IGSF3: variants seen among roughly 807,000 people sequenced by gnomAD.
The protein encoded by IGSF3 is immunoglobulin superfamily member 3, also known as glu-Trp-Ile EWI motif-containing protein 3.
A neutral mutation model predicts 114.4 loss-of-function variants in IGSF3; 23 were observed. The observed-to-expected ratio is 0.20, with a 90% CI of 0.14 to 0.28. The LOEUF is 0.28. Among genes scored for constraint, IGSF3 ranks in the 10% least tolerant of loss-of-function variants. IGSF3 has a pLI of 1.00. For synonymous variants in IGSF3, 571 were observed against 645.2 expected, an observed-to-expected ratio of 0.88 and a Z score of 1.74; for missense variants, 1,172 against 1,591.5, an observed-to-expected ratio of 0.74 and a Z score of 4.48.
chr1:116,619,791 T>C (rs1290085217), intron 2 of IGSF3, among the ~76,000 whole-genome samples: 1 of 152,102 alleles, frequency 6.6e-6, no homozygotes, highest in Non-Finnish European at 1.5e-5. Context: ...AAATAACTTT[T>C]TTAACTTTAG....
Position 116,599,975 on chromosome 1 carries a change from G to A in IGSF3, c.1995C>T (p.Thr665=), listed in dbSNP as rs1019929441. The change falls in exon 7 of 11, where the codon ACC becomes ACT. Residue 665 remains threonine, a synonymous_variant. Coordinates refer to ENST00000369486, the MANE Select transcript of IGSF3 (RefSeq NM_001007237.3). ...NNTWTRLAER[T]SNLLEIRVLQ... is the part of the protein sequence containing the mutation. ...GCACCCTGATCTCCAGCAGGTTGGA[G>A]GTCCTCTCCGCCAGTCGCGTCCAGG... 12 of 1,613,482 alleles carry A rather than the reference G, an allele frequency of 7.4e-6. No individual in the cohort carries two copies. The highest frequency in any genetic ancestry group is 1.0e-5 in the Non-Finnish European group (12 of 1,179,626).
Position 116,616,246 on chromosome 1 carries a change from G to A in IGSF3, c.255C>T (p.Thr85=). 3 of 1,612,798 alleles carry A rather than the reference G, an allele frequency of 1.9e-6. No homozygotes were observed. The East Asian group carries it at 6.7e-5, about 36-fold the overall frequency. The change falls in exon 3 of 11, where the codon ACC becomes ACT. Residue 85 remains threonine (T), a synonymous_variant. Coordinates refer to ENST00000369486, the MANE Select transcript of IGSF3 (RefSeq NM_001007237.3). This position sits in a 1 kb window ranked among gnomAD's most constrained non-coding sequence, Gnocchi z 6.6. ...MDSSFPYAIY[T]QRVRGGKIFI... The stretch of plus-strand genomic sequence containing the variant: ...AGATCTTCCCTCCGCGGACGCGCTG[G>A]GTGTAGATGGCATAGGGGAAGGAAG...
Position 116,628,464 on chromosome 1 carries a change from AAC to A in IGSF3, c.44-12009_44-12008del, listed in dbSNP as rs1183670896. Among the ~76,000 whole-genome samples, 1 of 151,946 alleles carries A rather than the reference AAC, an allele frequency of 6.6e-6. No individual in the cohort carries two copies. Among genetic ancestry groups the A allele is most frequent in the Non-Finnish European group, 1.5e-5 (1 of 67,978 alleles). ...GGTCATTTACAATGTGCATTTCCCC[AAC>A]ACACTCAGATCTAGGTGACCTTGAC... On this transcript the variant is annotated intron_variant, in intron 2 of 10. Coordinates refer to ENST00000369486, the MANE Select transcript of IGSF3 (RefSeq NM_001007237.3). This position sits in a 1 kb window ranked among gnomAD's most constrained non-coding sequence, Gnocchi z 4.2.
intron 2 of IGSF3, among the ~76,000 whole-genome samples, chr1:116,637,631 C>A (rs959255425): frequency 6.6e-6 from 1 of 152,178 alleles, no homozygotes; most frequent in Non-Finnish European, 1.5e-5. Context: ...ATGGCAGACA[C>A]CTGCCAACTA....
rs1660705424 is a variant in IGSF3, at chr1:116,604,092, A to T, written c.1223-67T>A. 5 of 1,340,264 alleles carry T rather than the reference A, an allele frequency of 3.7e-6. No homozygotes were observed. In the South Asian group the frequency reaches 7.1e-5, roughly 19 times the overall value. The allele number at this position is 1,340,264 out of a possible 1,614,324, so 83.0% of individuals were successfully genotyped here. On this transcript the variant is annotated intron_variant, in intron 5 of 10. Transcript: ENST00000369486. ...CTCCACAGCGCCCTCCCCACAGAGG[A>T]AACAGGAGAAGGGGTGCAAATGGAA...
At position 116,666,402 on chromosome 1, in the gene IGSF3, C is replaced by A; in HGVS notation, c.-76G>T. 1 of 1,315,836 alleles carries A rather than the reference C, an allele frequency of 7.6e-7. No homozygotes were observed. The highest frequency in any genetic ancestry group is 1.1e-6 in the Non-Finnish European group (1 of 908,018). The allele number at this position is 1,315,836 out of a possible 1,614,324, so 81.5% of individuals were successfully genotyped here. On this transcript the variant is annotated 5_prime_UTR_variant, in exon 2 of 11. Transcript: ENST00000369486. ...TCCTAATCTCTCATTTCTGGCAATC[C>A]ACTTATAGCTCCAGAGAACAGTTTT...
chr1:116,666,837 G>T lies in IGSF3; in HGVS notation c.-511C>A. The T allele has an allele frequency of 2.4e-6, 1 of 408,178 alleles. No individual in the cohort carries two copies. The highest frequency in any genetic ancestry group is 1.1e-4 in the South Asian group (1 of 8,922). 25.3% of individuals were successfully genotyped at this position (408,178 alleles called of 1,614,324 possible). A position where few individuals can be genotyped will look rare whatever the true frequency, so the allele number is the denominator to read the frequency against. On this transcript the variant is annotated 5_prime_UTR_variant, in exon 2 of 11. Coordinates refer to ENST00000369486, the MANE Select transcript of IGSF3 (RefSeq NM_001007237.3). Reference sequence around the variant, plus strand: ...ACCGTTTGGGTTTCTTCACCAAAAAGTCCGTTTCCATCCATGGTGGTAGGT... The same window carrying T: ...ACCGTTTGGGTTTCTTCACCAAAAATTCCGTTTCCATCCATGGTGGTAGGT...
chr1:116,641,240 G>A (rs184516637), intron 2 of IGSF3, among the ~76,000 whole-genome samples: 39 of 152,274 alleles, frequency 2.6e-4, no homozygotes, highest in South Asian at 2.3e-3. Context: ...GCTCACGCCT[G>A]TAATTCCAGC....
In IGSF3 at chr1:116,616,189, T is replaced by G; in HGVS notation, c.312A>C (p.Leu104=). Residue 104 remains leucine (L), a synonymous_variant, in exon 3 of 11, where the codon CTA becomes CTC. Coordinates refer to ENST00000369486, the MANE Select transcript of IGSF3 (RefSeq NM_001007237.3). This position sits in a 1 kb window ranked among gnomAD's most constrained non-coding sequence, Gnocchi z 6.6. The stretch of plus-strand genomic sequence containing the variant: ...GGGCCTGAAGATCTGTGATGTGCAA[T>G]AGGGTTGAGTTCCCCTGGACTCTTT... ...FIERVQGNST[L]LHITDLQARD... 1.9e-6 allele frequency: 3 copies of G among 1,613,990 alleles called. No homozygotes were observed. Among genetic ancestry groups the G allele is most frequent in the South Asian group, 2.2e-5 (2 of 91,072 alleles).
intron 2 of IGSF3, among the ~76,000 whole-genome samples, chr1:116,635,998 G>T (rs2079774): frequency 6.6e-6 from 1 of 152,152 alleles, no homozygotes; most frequent in Non-Finnish European, 1.5e-5. Context: ...TGCCCAATAA[G>T]TGTTTGTGGG....
At position 116,579,463 on chromosome 1, in the gene IGSF3, C is replaced by T. The variant is rs1346177794; in HGVS notation, c.3263G>A (p.Ser1088Asn). The change falls in exon 10 of 11, where the codon AGC becomes AAC. Residue 1088 changes from serine to asparagine, a missense_variant. Around this residue, in one of 3 missense-constraint regions of IGSF3, gnomAD observed 423 missense variants for 509.8 expected, o/e 0.83. Transcript: ENST00000369486. This position sits in a 1 kb window ranked among gnomAD's most constrained non-coding sequence, Gnocchi z 6.4. ...YSCHVEEWLP[S>N]PQKEWYRLTE... ...CAGCCGGTACCATTCCTTCTGAGGG[C>T]TGGGCAGCCACTCCTCCACATGGCA... 1 of 1,613,014 alleles carries T rather than the reference C, an allele frequency of 6.2e-7. No individual in the cohort carries two copies. The highest frequency in any genetic ancestry group is 1.3e-5 in the African/African-American group (1 of 74,868).
chr1:116,667,423 G>C (rs112100481), intron 1 of IGSF3, among the ~76,000 whole-genome samples, 195 bp downstream of exon 1: 1 of 152,124 alleles, frequency 6.6e-6, no homozygotes, highest in Admixed American at 6.5e-5. Flanking sequence ...AGGGAGTCCG[G>C]AGCTCCGCTT....
chr1:116,608,567 G>A (rs1413111068), intron 4 of IGSF3, among the ~76,000 whole-genome samples: 2 of 152,188 alleles, frequency 1.3e-5, no homozygotes, highest in Admixed American at 1.3e-4. Context: ...GACGGTCTAA[G>A]CAAACTGTTA....
intron 2 of IGSF3, among the ~76,000 whole-genome samples, chr1:116,622,466 T>TA (rs3045085): frequency 0.056 from 8,274 of 146,682 alleles, 262 homozygotes; most frequent in African/African-American, 0.089. Context: ...AAAATTACAT[T>TA]AAAAAAAAAA....
rs1648619521 is a variant in IGSF3, at chr1:116,651,153, T to C, written c.43+15131A>G. 1.3e-5 allele frequency among the ~76,000 whole-genome samples: 2 copies of C among 152,348 alleles called. No individual in the cohort carries two copies. The highest frequency in any genetic ancestry group is 2.1e-4 in the South Asian group (1 of 4,832). Reference sequence around the variant, plus strand: ...CACAGACTCACACAAATCTGTGGAATGAGTGCATGATCTCATGAGCTCTGG... The same window carrying C: ...CACAGACTCACACAAATCTGTGGAACGAGTGCATGATCTCATGAGCTCTGG... On this transcript the variant is annotated intron_variant, in intron 2 of 10. Coordinates refer to ENST00000369486, the MANE Select transcript of IGSF3 (RefSeq NM_001007237.3). The surrounding 1 kb of genome is among the most constrained non-coding windows in gnomAD (Gnocchi z 4.4).
rs899283567 is a variant in IGSF3 at position 116,636,202 on chromosome 1, C to G, written c.44-19745G>C. 7.2e-5 allele frequency among the ~76,000 whole-genome samples: 11 copies of G among 152,218 alleles called. No homozygotes were observed. The highest frequency in any genetic ancestry group is 8.8e-5 in the Non-Finnish European group (6 of 68,042). On this transcript the variant is annotated intron_variant, in intron 2 of 10. Transcript: ENST00000369486. This position sits in a 1 kb window ranked among gnomAD's most constrained non-coding sequence, Gnocchi z 4.5. Reference sequence around the variant, plus strand: ...ACCTTCCCAAGAAGAATTCCCCATACCGAGTCTACCATTCCTTCCCTGATC... The same window carrying G: ...ACCTTCCCAAGAAGAATTCCCCATAGCGAGTCTACCATTCCTTCCCTGATC...
In IGSF3 at chr1:116,582,831, G is replaced by A. The variant is rs72697343; in HGVS notation, c.2848+1814C>T. Reference sequence around the variant, plus strand: ...TATTAATAGTAGATATTTGTAGGCCGTGAGATTATGGCTAACCTTTCTTTT... The same window carrying A: ...TATTAATAGTAGATATTTGTAGGCCATGAGATTATGGCTAACCTTTCTTTT... On this transcript the variant is annotated intron_variant, in intron 9 of 10. Coordinates refer to ENST00000369486, the MANE Select transcript of IGSF3 (RefSeq NM_001007237.3). The surrounding 1 kb of genome is among the most constrained non-coding windows in gnomAD (Gnocchi z 4.7). Among the ~76,000 whole-genome samples the A allele has an allele frequency of 0.053, 8,091 of 152,300 alleles. 281 individuals are homozygous for A. Among genetic ancestry groups the A allele is most frequent in the Non-Finnish European group, 0.082 (5,593 of 68,020 alleles).
intron 2 of IGSF3, among the ~76,000 whole-genome samples, chr1:116,663,921 TG>T (rs1649223450): frequency 6.6e-6 from 1 of 152,236 alleles, no homozygotes; most frequent in Admixed American, 6.5e-5. Flanking sequence ...GATTCTTCGC[TG>T]TTTTAAATTC....
chr1:116,659,367 A>T (rs1428389817), intron 2 of IGSF3, among the ~76,000 whole-genome samples: 2 of 152,152 alleles, frequency 1.3e-5, no homozygotes, highest in African/African-American at 4.8e-5. Context: ...ATGGCCCACA[A>T]TTAGTCAGTT....
Sources: allele counts gnomAD v4.1 joint callset (sites outside exome capture counted in the v4.1 genomes callset), GRCh38; gene constraint gnomAD v4.1.1; regional missense constraint gnomAD v4.1.1; non-coding constraint Gnocchi (gnomAD v3.1); transcripts MANE v1.5; gene names NCBI Gene and HGNC (gene_info 2026-07-23, HGNC 2026-07-21).